RHD: variants seen among roughly 807,000 people sequenced by gnomAD.
RHD encodes the protein Rh blood group D antigen, also known as blood group Rh(D) polypeptide.
RHD carries 16 observed loss-of-function variants against 45.5 expected under a neutral mutation model. That is an observed-to-expected ratio of 0.35 (90% CI 0.24 to 0.53). The LOEUF is 0.53. Among genes scored for constraint, RHD ranks in the 20% least tolerant of loss-of-function variants. RHD has a pLI of 0.92. For synonymous variants in RHD, 131 were observed against 217.5 expected (o/e 0.60, Z 3.50); for missense variants, 306 against 532.0 (o/e 0.58, Z 4.18).
At chr1:25,293,214 G>C (rs1478158125) in intron 3 of RHD, among the ~76,000 whole-genome samples, 1 of 130,326 alleles carries the variant, frequency 7.7e-6, no homozygotes, top group African/African-American at 2.6e-5. Context: ...AGAAGCAGGA[G>C]GGCAATAATC....
intron 3 of RHD, among the ~76,000 whole-genome samples, chr1:25,295,849 A>AGTTTTTTT (rs1557534285): frequency 8.9e-5 from 3 of 33,728 alleles, no homozygotes; most frequent in African/African-American, 1.2e-4. Context: ...GAATATGGGA[A>AGTTTTTTT]ATTTTTTTTT....
rs1642122420 is a variant in RHD at position 25,287,404 on chromosome 1, C to T, written c.335+2645C>T. Among the ~76,000 whole-genome samples the T allele has an allele frequency of 3.7e-5, 5 of 135,426 alleles. 1 individual carries two copies. The highest frequency in any genetic ancestry group is 3.5e-4 in the Admixed American group (5 of 14,098). The allele number at this position is 135,426 out of a possible 152,430, so 88.8% of individuals were successfully genotyped here. Reference sequence around the variant, plus strand: ...TCACTCGCAGCCTGAGTGAACTCCCCTGCCCCACCCCTGACTGCTTGGATC... The same window carrying T: ...TCACTCGCAGCCTGAGTGAACTCCCTTGCCCCACCCCTGACTGCTTGGATC... On this transcript the variant is annotated intron_variant, in intron 2 of 9. Transcript: ENST00000328664.
At position 25,294,694 on chromosome 1, in the gene RHD, G is replaced by A. The variant is rs1224770088; in HGVS notation, c.486+3903G>A. ...CTTAACGAGAGAAATGGCAGGGACT[G>A]TGAATAGGCCGGCAGATTTGGTGGC... is the stretch of plus-strand genomic sequence containing the variant. On this transcript the variant is annotated intron_variant, in intron 3 of 9. Coordinates refer to ENST00000328664, the MANE Select transcript of RHD (RefSeq NM_016124.6). The A allele has an allele frequency of 1.6e-5, 9 of 570,508 alleles. 1 individual carries two copies. Among genetic ancestry groups the A allele is most frequent in the Admixed American group, 9.8e-5 (4 of 40,974 alleles). The allele number at this position is 570,508 out of a possible 1,614,324, so 35.3% of individuals were successfully genotyped here.
chr1:25,310,477 T>C (rs1056419434), intron 7 of RHD, among the ~76,000 whole-genome samples: 1 of 131,852 alleles, frequency 7.6e-6, no homozygotes, highest in Non-Finnish European at 1.8e-5. Context: ...GTGAGCTAAA[T>C]CAATTTATTT....
intron 7 of RHD, chr1:25,307,675 A>C (rs1346991076): frequency 1.5e-6 from 2 of 1,299,450 alleles, no homozygotes; most frequent in African/African-American, 2.9e-5. Flanking sequence ...GGCTGTAAAA[A>C]TGGCTGAAGC....
At position 25,312,948 on chromosome 1, in the gene RHD, A is replaced by AAAAAAAAAAAC. The variant is rs1557556998; in HGVS notation, c.1074-4045_1074-4044insAAACAAAAAAA. ...AAAAAAAAAAAAAAAAAAAAAAAAA[A>AAAAAAAAAAAC]AAAAAAACTTTAGTGCTATTGGAAT... On this transcript the variant is annotated intron_variant, in intron 7 of 9. Coordinates refer to ENST00000328664, the MANE Select transcript of RHD (RefSeq NM_016124.6). Among the ~76,000 whole-genome samples, 10 of 110,688 alleles carry AAAAAAAAAAAC rather than the reference A, an allele frequency of 9.0e-5. 2 individuals are homozygous for AAAAAAAAAAAC. The highest frequency in any genetic ancestry group is 1.5e-4 in the Non-Finnish European group (7 of 45,876). 72.6% of individuals were successfully genotyped at this position (110,688 alleles called of 152,430 possible). A position where few individuals can be genotyped will look rare whatever the true frequency, so the allele number is the denominator to read the frequency against.
In RHD at chr1:25,285,074, G is replaced by A. The variant is rs539353031; in HGVS notation, c.335+315G>A. Among the ~76,000 whole-genome samples the A allele has an allele frequency of 3.6e-3, 487 of 133,776 alleles. 1 individual carries two copies. The highest frequency in any genetic ancestry group is 0.02 in the South Asian group (88 of 4,488). 87.8% of individuals were successfully genotyped at this position (133,776 alleles called of 152,430 possible). ...TAATCAATATAAGTTTATGGAAAAC[G>A]TAAGAAGGAAACACGTTAGACAGAG... On this transcript the variant is annotated intron_variant, in intron 2 of 9. Coordinates refer to ENST00000328664, the MANE Select transcript of RHD (RefSeq NM_016124.6).
chr1:25,289,273 A>C lies in RHD; in HGVS notation c.336-1368A>C, dbSNP rs2986152. On this transcript the variant is annotated intron_variant, in intron 2 of 9. Transcript: ENST00000328664. ...GCAGTGGTGCAGTCTCGGCCCACTG[A>C]AACCTCTGCCTCCCGGGTTCAAGCG... Among the ~76,000 whole-genome samples the C allele has an allele frequency of 2.4e-4, 31 of 131,902 alleles. 1 individual carries two copies. Among genetic ancestry groups the C allele is most frequent in the African/African-American group, 4.9e-4 (19 of 38,682 alleles). 86.5% of individuals were successfully genotyped at this position (131,902 alleles called of 152,430 possible). A position where few individuals can be genotyped will look rare whatever the true frequency, so the allele number is the denominator to read the frequency against.
chr1:25,295,193 ACATCT>A (rs1237340993), intron 3 of RHD, among the ~76,000 whole-genome samples: 2 of 113,460 alleles, frequency 1.8e-5, no homozygotes, highest in African/African-American at 3.2e-5. Flanking sequence ...GCCTGGGTAC[ACATCT>A]CAGCTCAACC....
At chr1:25,286,080 C>G (rs660312) in intron 2 of RHD, among the ~76,000 whole-genome samples, 1 of 135,418 alleles carries the variant, frequency 7.4e-6, no homozygotes, top group Non-Finnish European at 1.8e-5. Context: ...GAGATGGCTC[C>G]AACTTTTTAT....
At position 25,322,649 on chromosome 1, in the gene RHD, G is replaced by A. The variant is rs553408584; in HGVS notation, c.1227+687G>A. Among the ~76,000 whole-genome samples the A allele has an allele frequency of 1.4e-4, 18 of 128,948 alleles. 4 individuals are homozygous for A. The South Asian group carries it at 4.4e-3, about 31-fold the overall frequency. 84.6% of individuals were successfully genotyped at this position (128,948 alleles called of 152,430 possible). ...GATCATGCCACTGCACTCCAGCCTGGGTGACAGAGCGAGACTTTGCCTCAA... is the reference window on the plus strand; with the variant it reads ...GATCATGCCACTGCACTCCAGCCTGAGTGACAGAGCGAGACTTTGCCTCAA... On this transcript the variant is annotated intron_variant, in intron 9 of 9. Coordinates refer to ENST00000328664, the MANE Select transcript of RHD (RefSeq NM_016124.6).
intron 2 of RHD, among the ~76,000 whole-genome samples, chr1:25,289,522 A>G (rs1258447950): frequency 2.3e-5 from 3 of 131,346 alleles, no homozygotes; most frequent in Non-Finnish European, 5.4e-5. Flanking sequence ...AAAAGAGGTG[A>G]TGCTGTTACA....
intron 7 of RHD, among the ~76,000 whole-genome samples, chr1:25,315,132 G>A (rs1223996817): frequency 7.8e-6 from 1 of 128,734 alleles, no homozygotes; most frequent in African/African-American, 2.7e-5. Flanking sequence ...CTCCAGCCTG[G>A]TGACACAGCA....
chr1:25,308,141 G>T lies in RHD; in HGVS notation c.1073+1412G>T, dbSNP rs1387047754. 9.0e-5 allele frequency among the ~76,000 whole-genome samples: 11 copies of T among 122,326 alleles called. 2 individuals are homozygous for T. Among genetic ancestry groups the T allele is most frequent in the Non-Finnish European group, 1.9e-4 (10 of 52,546 alleles). The allele number at this position is 122,326 out of a possible 152,430, so 80.3% of individuals were successfully genotyped here. A position where few individuals can be genotyped will look rare whatever the true frequency, so the allele number is the denominator to read the frequency against. ...TGCCAGATCCAATGACTTCTCAAGA[G>T]CTCAAAATCTAGAGTTTTGCATGTG... On this transcript the variant is annotated intron_variant, in intron 7 of 9. Transcript: ENST00000328664.
intron 3 of RHD, among the ~76,000 whole-genome samples, chr1:25,299,072 TAA>T (rs34867414): frequency 2.0e-4 from 8 of 40,870 alleles, no homozygotes; most frequent in Admixed American, 5.1e-4. Context: ...CACATGGTGA[TAA>T]AAAAAAAAAA....
chr1:25,301,552 T>C lies in RHD; in HGVS notation c.667T>C (p.Phe223Leu). ...CTTCTTGTGGATGTTCTGGCCAAGT[T>C]TCAACTCTGCTCTGCTGAGAAGTCC... ...ALFLWMFWPS[F>L]NSALLRSPIE... The change falls in exon 5 of 10, where the codon TTC becomes CTC. Residue 223 changes from phenylalanine to leucine, a missense_variant. Phe to Leu is a conservative substitution (Grantham distance 22). Coordinates refer to ENST00000328664, the MANE Select transcript of RHD (RefSeq NM_016124.6). 7.3e-7 allele frequency: 1 copy of C among 1,378,810 alleles called. No homozygotes were observed. The highest frequency in any genetic ancestry group is 1.0e-6 in the Non-Finnish European group (1 of 978,974). 85.4% of individuals were successfully genotyped at this position (1,378,810 alleles called of 1,614,324 possible). A position where few individuals can be genotyped will look rare whatever the true frequency, so the allele number is the denominator to read the frequency against.
intron 7 of RHD, among the ~76,000 whole-genome samples, chr1:25,307,183 T>C (rs1487057763): frequency 7.6e-6 from 1 of 132,414 alleles, no homozygotes; most frequent in East Asian, 1.9e-4. Context: ...GGGATGCTAC[T>C]GGATTTAATA....
rs1342173861 is a variant in RHD, at chr1:25,310,623, G to T, written c.1073+3894G>T. Reference sequence around the variant, plus strand: ...GAAGTGGCTTTGGAACTGGGTGATGGGAATAGGTTGGAAGAGTTTTGAGGA... The same window carrying T: ...GAAGTGGCTTTGGAACTGGGTGATGTGAATAGGTTGGAAGAGTTTTGAGGA... On this transcript the variant is annotated intron_variant, in intron 7 of 9. Transcript: ENST00000328664. 6.8e-5 allele frequency among the ~76,000 whole-genome samples: 9 copies of T among 131,738 alleles called. 3 individuals are homozygous for T. The highest frequency in any genetic ancestry group is 1.5e-4 in the Admixed American group (2 of 13,392). 86.4% of individuals were successfully genotyped at this position (131,738 alleles called of 152,430 possible).
At chr1:25,302,600 C>T (rs1271979815) in intron 5 of RHD, among the ~76,000 whole-genome samples, 2 of 129,490 alleles carry the variant, frequency 1.5e-5, no homozygotes, top group East Asian at 2.0e-4. Flanking sequence ...GGCAAGGCTC[C>T]GGTTCTGGAG....
Sources: allele counts gnomAD v4.1 joint callset (sites outside exome capture counted in the v4.1 genomes callset), GRCh38; gene constraint gnomAD v4.1.1; transcripts MANE v1.5; gene names NCBI Gene and HGNC (gene_info 2026-07-23, HGNC 2026-07-21).